Variants in POU2F1 observed in about 807,000 individuals in gnomAD.
POU2F1 encodes the protein POU class 2 homeobox 1.
In POU2F1, 16 loss-of-function variants were observed where a neutral mutation model predicts 84.9. The ratio of observed to expected loss-of-function variants is 0.19; its 90% CI spans 0.13 to 0.29. The LOEUF (loss-of-function observed/expected upper bound fraction) is 0.29. Among genes scored for constraint, POU2F1 ranks in the 10% least tolerant of loss-of-function variants. POU2F1 has a pLI of 1.00. For missense variants in POU2F1, 738 were observed against 942.6 expected (o/e 0.78, Z 2.84); for synonymous variants, 368 against 368.3 (o/e 1.00, Z 0.01).
chr1:167,263,193 G>C (rs1020828756), intron 1 of POU2F1, among the ~76,000 whole-genome samples: 7 of 152,160 alleles, frequency 4.6e-5, no homozygotes, highest in African/African-American at 1.7e-4. Context: ...GAAAATGTAA[G>C]AAAAGATATG....
At chr1:167,291,463 T>G (rs563384718) in intron 1 of POU2F1, among the ~76,000 whole-genome samples, 1 of 152,362 alleles carries the variant, frequency 6.6e-6, no homozygotes, top group South Asian at 2.1e-4. Context: ...TTATTTGTTA[T>G]GATTAATTGT....
intron 1 of POU2F1, among the ~76,000 whole-genome samples, chr1:167,258,890 A>G (rs184043522): frequency 6.6e-6 from 1 of 152,340 alleles, no homozygotes; most frequent in African/African-American, 2.4e-5. Flanking sequence ...TTCTTATCAA[A>G]ACTTTTGCAA....
At chr1:167,225,046 C>G (rs927878815) in intron 1 of POU2F1, among the ~76,000 whole-genome samples, 3 of 151,926 alleles carry the variant, frequency 2.0e-5, no homozygotes, top group Admixed American at 6.5e-5. Context: ...CCAGGCTGGT[C>G]TCGAACTCCT....
chr1:167,374,220 C>T lies in POU2F1; in HGVS notation c.515C>T (p.Ala172Val). 1 of 1,613,978 alleles carries T rather than the reference C, an allele frequency of 6.2e-7. No individual in the cohort carries two copies. The change falls in exon 6 of 16, where the codon GCT becomes GTT. Residue 172 changes from alanine (A) to valine (V), a missense_variant. By Grantham distance (64) the Ala-to-Val change is moderately conservative. Around this residue, in one of 4 missense-constraint regions of POU2F1, gnomAD observed 163 missense variants for 214.4 expected, o/e 0.76. Transcript: ENST00000367866. ...TCCGCCAGCCAGCAGCACAGTGCTG[C>T]TGGAGCCACCATCTCCGCCTCTGCT... is the stretch of plus-strand genomic sequence containing the variant. ...QHSASQQHSA[A>V]GATISASAAT...
intron 7 of POU2F1, chr1:167,379,264 A>C (rs565075258): frequency 1.3e-5 from 2 of 152,196 alleles, no homozygotes; most frequent in Non-Finnish European, 2.9e-5. Flanking sequence ...GAATGGCCCA[A>C]TATCTTCCAA....
intron 2 of POU2F1, among the ~76,000 whole-genome samples, chr1:167,357,951 A>T (rs1659077960): frequency 6.7e-6 from 1 of 149,338 alleles, no homozygotes. Context: ...CTACAGGCGC[A>T]CATCACTACA....
At position 167,392,413 on chromosome 1, in the gene POU2F1, G is replaced by T. The variant is rs192823349; in HGVS notation, c.987+2652G>T. On this transcript the variant is annotated intron_variant, in intron 9 of 15. Coordinates refer to ENST00000367866, the MANE Select transcript of POU2F1 (RefSeq NM_002697.4). ...CATAGAACTAGATTGATATGAGTAA[G>T]TTACAAAGCTGAAATAAGTATAAGG... Among the ~76,000 whole-genome samples the T allele has an allele frequency of 3.3e-5, 5 of 151,974 alleles. No individual in the cohort carries two copies. The East Asian group carries it at 9.6e-4, about 29-fold the overall frequency.
Position 167,370,146 on chromosome 1 carries a change from C to T in POU2F1, c.229-15C>T, listed in dbSNP as rs1378667719. ...TCAACAGTATTAAACTAGAACTTCC[C>T]CTGATTACTTATAGGTCCAACTCGC... is the stretch of plus-strand genomic sequence containing the variant. On this transcript the variant is annotated splice_polypyrimidine_tract_variant and intron_variant, in intron 3 of 15. Transcript: ENST00000367866. The T allele has an allele frequency of 6.3e-7, 1 of 1,598,626 alleles. No individual in the cohort carries two copies. Among genetic ancestry groups the T allele is most frequent in the Admixed American group, 1.7e-5 (1 of 59,542 alleles).
intron 1 of POU2F1, among the ~76,000 whole-genome samples, chr1:167,298,996 T>G (rs1309404946): frequency 6.6e-6 from 1 of 151,966 alleles, no homozygotes; most frequent in Admixed American, 6.6e-5. Flanking sequence ...AAACTCCGTC[T>G]CTACTAAAAA....
chr1:167,277,831 C>T (rs933784907), intron 1 of POU2F1, among the ~76,000 whole-genome samples: 1 of 152,164 alleles, frequency 6.6e-6, no homozygotes. Flanking sequence ...CTAATACCCC[C>T]TCTCCCTCAC....
chr1:167,222,542 G>T (rs1648311996), intron 1 of POU2F1, among the ~76,000 whole-genome samples: 1 of 152,120 alleles, frequency 6.6e-6, no homozygotes, highest in Non-Finnish European at 1.5e-5. Context: ...GTGCTGGGAA[G>T]AGAGGGGGGA....
intron 8 of POU2F1, among the ~76,000 whole-genome samples, chr1:167,384,193 G>A (rs1307371877): frequency 2.0e-5 from 3 of 152,054 alleles, no homozygotes; most frequent in Admixed American, 6.6e-5. Context: ...AATGAGTAAT[G>A]AGTTCTAGCT....
intron 1 of POU2F1, among the ~76,000 whole-genome samples, chr1:167,259,163 G>A (rs113827606): frequency 2.6e-3 from 395 of 152,326 alleles, no homozygotes; most frequent in African/African-American, 9.2e-3. Flanking sequence ...TCCCGAAGGA[G>A]GCTGGCCTTA....
intron 1 of POU2F1, among the ~76,000 whole-genome samples, chr1:167,275,464 A>G (rs1034938226): frequency 8.5e-5 from 13 of 152,160 alleles, no homozygotes; most frequent in Admixed American, 8.5e-4. Context: ...GAAGGCCGCA[A>G]TGGCCCTGAT....
rs150482780 is a variant in POU2F1 at position 167,374,984 on chromosome 1, G to A, written c.591+688G>A. ...CGGGAGGTTGAGGCAGGAGAATAGC[G>A]TGAACCCAGGAGGTGGAGCTTGCAG... On this transcript the variant is annotated intron_variant, in intron 6 of 15. Coordinates refer to ENST00000367866, the MANE Select transcript of POU2F1 (RefSeq NM_002697.4). 6.8e-3 allele frequency among the ~76,000 whole-genome samples: 1,037 copies of A among 151,646 alleles called. 6 individuals carry two copies. The highest frequency in any genetic ancestry group is 0.014 in the Middle Eastern group (4 of 294).
At chr1:167,399,127 G>T in intron 11 of POU2F1, 59 bp from the exon 12 acceptor site, 1 of 1,498,936 alleles carries the variant, frequency 6.7e-7, no homozygotes. Flanking sequence ...GATTATGCCA[G>T]TAGTTCAAAA....
rs1320588377 is a variant in POU2F1 at position 167,419,847 on chromosome 1, AC to A, written c.*4038del. On this transcript the variant is annotated 3_prime_UTR_variant, in exon 16 of 16. Coordinates refer to ENST00000367866, the MANE Select transcript of POU2F1 (RefSeq NM_002697.4). ...ATACCTACTTATACTTAATGCTAGC[AC>A]TGTAAGAAATAAGTCTTTTTTGTTT... The A allele has an allele frequency of 1.3e-5, 2 of 152,200 alleles. No individual in the cohort carries two copies. Among genetic ancestry groups the A allele is most frequent in the Admixed American group, 6.5e-5 (1 of 15,288 alleles). 9.4% of individuals were successfully genotyped at this position (152,200 alleles called of 1,614,324 possible).
In POU2F1 at chr1:167,323,004, C is replaced by G. The variant is rs1656433998; in HGVS notation, c.62-9466C>G. On this transcript the variant is annotated intron_variant, in intron 1 of 15. Transcript: ENST00000367866. Reference sequence around the variant, plus strand: ...CGTCGTAGCCATCATGAGCATGTCACAGTGCTGCAGAGATTTTGTTTATGG... The same window carrying G: ...CGTCGTAGCCATCATGAGCATGTCAGAGTGCTGCAGAGATTTTGTTTATGG... Among the ~76,000 whole-genome samples the G allele has an allele frequency of 5.3e-5, 8 of 152,316 alleles. No homozygotes were observed. The South Asian group carries it at 1.7e-3, about 32-fold the overall frequency.
chr1:167,389,026 A>G (rs1648192398), intron 8 of POU2F1, among the ~76,000 whole-genome samples: 1 of 152,232 alleles, frequency 6.6e-6, no homozygotes, highest in Admixed American at 6.5e-5. Flanking sequence ...TGAAGGTTTA[A>G]AGATATAGGT....
Sources: allele counts gnomAD v4.1 joint callset (sites outside exome capture counted in the v4.1 genomes callset), GRCh38; gene constraint gnomAD v4.1.1; regional missense constraint gnomAD v4.1.1; transcripts MANE v1.5; gene names NCBI Gene and HGNC (gene_info 2026-07-23, HGNC 2026-07-21).